Variants in BCL2L13 observed in about 807,000 individuals in gnomAD.
BCL2L13 encodes the protein BCL2 like 13, also known as bcl-2-like protein 13.
A neutral mutation model predicts 25.8 loss-of-function variants in BCL2L13; 13 were observed. The observed-to-expected ratio is 0.50, with a 90% CI of 0.33 to 0.80. The LOEUF (loss-of-function observed/expected upper bound fraction) is 0.80. Ranked by LOEUF, BCL2L13 falls within the 30% of genes least tolerant of loss-of-function variation. BCL2L13 has a pLI of 0.02. For missense variants in BCL2L13, 504 were observed against 574.9 expected, an observed-to-expected ratio of 0.88 and a Z score of 1.26; for synonymous variants, 244 against 230.3, an observed-to-expected ratio of 1.06 and a Z score of -0.54.
intron 1 of BCL2L13, among the ~76,000 whole-genome samples, chr22:17,651,873 G>A (rs1193525349): frequency 6.6e-6 from 1 of 152,082 alleles, no homozygotes; most frequent in East Asian, 1.9e-4. Flanking sequence ...TCTGTTTTTA[G>A]TAGAGACAGG....
chr22:17,685,657 T>C (rs2059904744), intron 3 of BCL2L13, among the ~76,000 whole-genome samples: 1 of 152,120 alleles, frequency 6.6e-6, no homozygotes, highest in Non-Finnish European at 1.5e-5. Context: ...TTAATGGAAA[T>C]TTAGGTTGTT....
chr22:17,669,030 C>CTTTTTTTTT (rs537315017), intron 2 of BCL2L13, among the ~76,000 whole-genome samples: 7 of 111,834 alleles, frequency 6.3e-5, no homozygotes, highest in Admixed American at 1.1e-4. Context: ...CTGTTTCTTT[C>CTTTTTTTTT]TTTTTTTTTT....
At chr22:17,668,212 C>T (rs1020107938) in intron 2 of BCL2L13, among the ~76,000 whole-genome samples, 2 of 150,976 alleles carry the variant, frequency 1.3e-5, no homozygotes, top group African/African-American at 4.9e-5. Context: ...GGGGTCTCAC[C>T]ATGTTGGCCA....
intron 6 of BCL2L13, among the ~76,000 whole-genome samples, chr22:17,707,730 A>C (rs367590057): frequency 6.6e-6 from 1 of 152,134 alleles, no homozygotes; most frequent in Non-Finnish European, 1.5e-5. Context: ...TCCTTAGAAA[A>C]TTTACCAACG....
intron 2 of BCL2L13, among the ~76,000 whole-genome samples, chr22:17,657,598 G>A (rs1433700554): frequency 2.0e-5 from 3 of 151,382 alleles, no homozygotes; most frequent in African/African-American, 7.3e-5. Flanking sequence ...TGCAACCTCC[G>A]CCTCCTGGGT....
At chr22:17,637,101 C>T (rs765622014), upstream of BCL2L13, among the ~76,000 whole-genome samples, 24 of 151,824 alleles carry the variant, frequency 1.6e-4, no homozygotes, top group African/African-American at 5.3e-4. Flanking sequence ...GGTGAGACCC[C>T]GTCTCTATTA....
At chr22:17,704,957 A>T (rs191416500) in intron 6 of BCL2L13, among the ~76,000 whole-genome samples, 97 of 151,866 alleles carry the variant, frequency 6.4e-4, no homozygotes, top group Non-Finnish European at 1.0e-3. Context: ...TTATGTTAAA[A>T]ATACCCAGTG....
intron 3 of BCL2L13, among the ~76,000 whole-genome samples, 185 bp from the exon 4 acceptor site, chr22:17,688,801 C>T (rs5746459): frequency 0.52 from 76,649 of 146,058 alleles, 20,645 homozygotes; most frequent in East Asian, 0.84. Context: ...GAGTTTCCCT[C>T]TTGTTGCCCA....
intron 2 of BCL2L13, among the ~76,000 whole-genome samples, chr22:17,668,762 G>A (rs750589089): frequency 6.6e-6 from 1 of 152,168 alleles, no homozygotes; most frequent in Non-Finnish European, 1.5e-5. Flanking sequence ...ACTGCGCTTG[G>A]CCTGATCTGT....
rs1399551089 is a variant in BCL2L13, at chr22:17,672,578, AG to A, written c.122-10634del. ...CGTAGCTCTGTGCTTTAGAAAAACTAGGTGGAGAGGATTAATTAAATGCAAA... is the reference window on the plus strand; with the variant it reads ...CGTAGCTCTGTGCTTTAGAAAAACTAGTGGAGAGGATTAATTAAATGCAAA... On this transcript the variant is annotated intron_variant, in intron 2 of 6. Transcript: ENST00000317582. Among the ~76,000 whole-genome samples, 14 of 152,354 alleles carry A rather than the reference AG, an allele frequency of 9.2e-5. No individual in the cohort carries two copies. In the East Asian group the frequency reaches 2.5e-3, roughly 27 times the overall value.
intron 1 of BCL2L13, among the ~76,000 whole-genome samples, chr22:17,646,955 A>ATTTTTTTTTTTTTTTTTTTTTTTTTT (rs149460093): frequency 4.5e-5 from 1 of 22,186 alleles, no homozygotes; most frequent in Non-Finnish European, 7.7e-5. Flanking sequence ...ATATATATAT[A>ATTTTTTTTTTTTTTTTTTTTTTTTTT]TTTTTTTTTT....
intron 2 of BCL2L13, among the ~76,000 whole-genome samples, chr22:17,661,859 C>T (rs1041988519): frequency 2.7e-5 from 4 of 149,904 alleles, no homozygotes; most frequent in East Asian, 1.9e-4. Context: ...GGTGTGGTGG[C>T]GCACACCTGT....
Position 17,727,005 on chromosome 22 carries a change from T to G in BCL2L13, c.929T>G (p.Val310Gly), listed in dbSNP as rs748283640. 2 of 1,614,110 alleles carry G rather than the reference T, an allele frequency of 1.2e-6. No homozygotes were observed. The highest frequency in any genetic ancestry group is 2.2e-5 in the South Asian group (2 of 91,076). Residue 310 changes from valine (V) to glycine (G), a missense_variant, in exon 7 of 7, where the codon GTG becomes GGG. Transcript: ENST00000317582. ...TCCTCTAATTCTGACATTGTGCACG[T>G]GGAGAAAGAAGAGGTGCCCGAGGGC... ...NNSSNSDIVH[V>G]EKEEVPEGME...
chr22:17,647,527 C>T (rs1644346354), intron 1 of BCL2L13, among the ~76,000 whole-genome samples: 2 of 152,084 alleles, frequency 1.3e-5, no homozygotes, highest in South Asian at 2.1e-4. Flanking sequence ...GTTTTGCTAC[C>T]GTATCCTTCC....
chr22:17,638,114 ACTC>A (rs1285038271), upstream of BCL2L13: 1 of 152,056 alleles, frequency 6.6e-6, no homozygotes, highest in Admixed American at 6.6e-5. Flanking sequence ...ACCTTCCGAT[ACTC>A]CTCCAAAGAA....
At chr22:17,696,498 A>G (rs1286898349) in intron 5 of BCL2L13, among the ~76,000 whole-genome samples, 1 of 152,112 alleles carries the variant, frequency 6.6e-6, no homozygotes, top group Non-Finnish European at 1.5e-5. Flanking sequence ...CCAGATGGTT[A>G]TATATTTATT....
chr22:17,640,992 A>T (rs886252992), intron 1 of BCL2L13, among the ~76,000 whole-genome samples: 1 of 151,336 alleles, frequency 6.6e-6, no homozygotes, highest in Non-Finnish European at 1.5e-5. Context: ...CTGAGTTCAC[A>T]CCATTCTCCT....
At chr22:17,678,121 C>G (rs1049337679) in intron 2 of BCL2L13, among the ~76,000 whole-genome samples, 4 of 152,112 alleles carry the variant, frequency 2.6e-5, no homozygotes, top group Non-Finnish European at 5.9e-5. Context: ...CTCCCAGGCT[C>G]AAGTGATCTT....
At chr22:17,630,116 G>A (rs541429909) in intron 1 of BCL2L13, among the ~76,000 whole-genome samples, 1 of 151,692 alleles carries the variant, frequency 6.6e-6, no homozygotes, top group East Asian at 2.0e-4. Flanking sequence ...CACTGGAGAG[G>A]CTGAGGCAGG....
Sources: allele counts gnomAD v4.1 joint callset (sites outside exome capture counted in the v4.1 genomes callset), GRCh38; gene constraint gnomAD v4.1.1; transcripts MANE v1.5; gene names NCBI Gene and HGNC (gene_info 2026-07-23, HGNC 2026-07-21).